The following IMMP2L variants were observed in gnomAD, a reference collection of about 807,000 sequenced individuals.
IMMP2L encodes mitochondrial inner membrane protease subunit 2.
Under a neutral mutation model 19.3 loss-of-function variants are expected in IMMP2L, and 18 were observed. The ratio of observed to expected loss-of-function variants is 0.93; its 90% confidence interval spans 0.64 to 1.38. The LOEUF (loss-of-function observed/expected upper bound fraction) is 1.38, where lower values mean the gene tolerates loss of function less well. Among genes scored for constraint, IMMP2L ranks in the 40% most tolerant of loss-of-function variants. The pLI, the probability that IMMP2L is intolerant of heterozygous loss-of-function variation, is 0.00. For missense variants in IMMP2L, 233 were observed against 218.2 expected, an observed-to-expected ratio of 1.07 and a Z score of -0.43; for synonymous variants, 76 against 73.0, an observed-to-expected ratio of 1.04 and a Z score of -0.21.
intron 3 of IMMP2L, among the ~76,000 whole-genome samples, chr7:111,486,526 G>A (rs1253846739): frequency 6.6e-6 from 1 of 152,126 alleles, no homozygotes; most frequent in Non-Finnish European, 1.5e-5. Context: ...ATTTTTATAA[G>A]TATTTGAAAC....
intron 4 of IMMP2L, among the ~76,000 whole-genome samples, chr7:110,892,796 G>A (rs1028478087): frequency 6.6e-6 from 1 of 151,998 alleles, no homozygotes; most frequent in Admixed American, 6.6e-5. Context: ...AATAGAATTC[G>A]GCAATCTTAA....
chr7:110,885,815 C>G (rs1810162635), intron 5 of IMMP2L, among the ~76,000 whole-genome samples: 1 of 151,958 alleles, frequency 6.6e-6, no homozygotes, highest in Non-Finnish European at 1.5e-5. Context: ...GATGCCTTGC[C>G]TGTACCAGGA....
At chr7:111,457,830 TTC>T (rs1202518158) in intron 3 of IMMP2L, among the ~76,000 whole-genome samples, 2 of 143,276 alleles carry the variant, frequency 1.4e-5, no homozygotes, top group African/African-American at 5.3e-5. Context: ...CTACCTTTTT[TTC>T]TCTCTTGCAG....
chr7:111,367,920 TGTACATAAAATA>T (rs1485736017), intron 3 of IMMP2L, among the ~76,000 whole-genome samples: 1 of 151,876 alleles, frequency 6.6e-6, no homozygotes, highest in African/African-American at 2.4e-5. Context: ...CAACAAACGC[TGTACATAAAATA>T]AAGACTATCT....
intron 3 of IMMP2L, among the ~76,000 whole-genome samples, chr7:111,324,717 A>G (rs1427070401): frequency 6.6e-6 from 1 of 151,944 alleles, no homozygotes; most frequent in Admixed American, 6.6e-5. Context: ...CTAAAAAATA[A>G]ATATTCAATA....
chr7:110,746,662 T>C (rs559916945), intron 5 of IMMP2L, among the ~76,000 whole-genome samples: 99 of 152,222 alleles, frequency 6.5e-4, no homozygotes, highest in Non-Finnish European at 1.2e-3. Flanking sequence ...ACTGGGTACA[T>C]AACAAAATGA....
At chr7:111,037,664 T>C (rs1446705629) in intron 3 of IMMP2L, among the ~76,000 whole-genome samples, 3 of 152,202 alleles carry the variant, frequency 2.0e-5, no homozygotes, top group Non-Finnish European at 4.4e-5. Flanking sequence ...AAGGTAGTTA[T>C]TATTCAAGCA....
chr7:111,191,618 T>C (rs1808889466), intron 3 of IMMP2L, among the ~76,000 whole-genome samples: 1 of 152,112 alleles, frequency 6.6e-6, no homozygotes, highest in Non-Finnish European at 1.5e-5. Context: ...AGGTCAGTAG[T>C]AGCACAAACT....
At chr7:111,161,386 T>C (rs920381277) in intron 3 of IMMP2L, among the ~76,000 whole-genome samples, 6 of 151,980 alleles carry the variant, frequency 3.9e-5, no homozygotes, top group Non-Finnish European at 8.8e-5. Flanking sequence ...ACATTTCTAC[T>C]GTTTGACTAA....
chr7:111,457,880 T>C (rs1047010923), intron 3 of IMMP2L, among the ~76,000 whole-genome samples: 9 of 144,100 alleles, frequency 6.2e-5, no homozygotes, highest in African/African-American at 2.4e-4. Flanking sequence ...CTCCAAGATA[T>C]ACATTATTTT....
At chr7:110,830,647 G>A (rs948678010) in intron 5 of IMMP2L, among the ~76,000 whole-genome samples, 2 of 152,088 alleles carry the variant, frequency 1.3e-5, no homozygotes, top group African/African-American at 4.8e-5. Flanking sequence ...ATACCATGAG[G>A]TGTGCAAGAA....
chr7:111,421,273 T>TC lies in IMMP2L; in HGVS notation c.239+65964_239+65965insG, dbSNP rs1458897800. On this transcript the variant is annotated intron_variant, in intron 3 of 5. Transcript: ENST00000405709. Reference sequence around the variant, plus strand: ...TGGGGTTGTTTGTTTTTTTCTTTTTTTTTTTTTTTTTTTTGAGACGGAGTC... The same window carrying TC: ...TGGGGTTGTTTGTTTTTTTCTTTTTTCTTTTTTTTTTTTTTGAGACGGAGTC... Among the ~76,000 whole-genome samples the TC allele has an allele frequency of 4.1e-5, 5 of 120,814 alleles. 1 individual carries two copies. Among genetic ancestry groups the TC allele is most frequent in the East Asian group, 3.9e-4 (2 of 5,074 alleles). 79.3% of individuals were successfully genotyped at this position (120,814 alleles called of 152,430 possible).
At chr7:111,167,021 G>C (rs1386347386) in intron 3 of IMMP2L, among the ~76,000 whole-genome samples, 6 of 151,918 alleles carry the variant, frequency 3.9e-5, no homozygotes, top group Non-Finnish European at 8.8e-5. Context: ...AGGGGGGGCA[G>C]GTCACCATTC....
chr7:111,239,208 C>CCAA (rs1814703745), intron 3 of IMMP2L, among the ~76,000 whole-genome samples: 1 of 151,848 alleles, frequency 6.6e-6, no homozygotes, highest in Non-Finnish European at 1.5e-5. Context: ...TCCAAACTAT[C>CCAA]GCTATGAGTA....
At chr7:111,095,139 G>A (rs776138120) in intron 3 of IMMP2L, among the ~76,000 whole-genome samples, 1 of 151,834 alleles carries the variant, frequency 6.6e-6, no homozygotes, top group Non-Finnish European at 1.5e-5. Flanking sequence ...TTCAGGAGAC[G>A]GGGAATAAAG....
intron 3 of IMMP2L, among the ~76,000 whole-genome samples, chr7:111,008,765 T>G (rs1824586749): frequency 6.6e-6 from 1 of 152,026 alleles, no homozygotes; most frequent in East Asian, 1.9e-4. Context: ...AACTATTTGT[T>G]GTATGAGTAG....
At chr7:110,960,209 T>C (rs752013210) in intron 4 of IMMP2L, among the ~76,000 whole-genome samples, 1 of 151,980 alleles carries the variant, frequency 6.6e-6, no homozygotes, top group African/African-American at 2.4e-5. Context: ...ATAATTCATA[T>C]AACAGAGAAT....
At chr7:110,664,398 G>A (rs1440916182) in intron 5 of IMMP2L, among the ~76,000 whole-genome samples, 3 of 152,006 alleles carry the variant, frequency 2.0e-5, no homozygotes, top group Admixed American at 1.3e-4. Context: ...AAACAAGGTG[G>A]GATGGGTAGC....
chr7:110,961,623 G>A (rs1818949319), intron 4 of IMMP2L, among the ~76,000 whole-genome samples: 1 of 151,596 alleles, frequency 6.6e-6, no homozygotes, highest in Admixed American at 6.6e-5. Context: ...ACCAATACCT[G>A]TAGAATTACT....
Sources: gnomAD v4.1 joint callset for allele counts (sites outside exome capture counted in the v4.1 genomes callset) on GRCh38, gnomAD v4.1.1 for gene constraint, MANE v1.5 for transcripts, NCBI Gene and HGNC (gene_info 2026-07-23, HGNC 2026-07-21) for gene names.